Variants in NALF1 observed in about 807,000 individuals in gnomAD.
NALF1 encodes family with sequence similarity 155 member A.
Under a neutral mutation model 48.4 loss-of-function variants are expected in NALF1, and 3 were observed. That is an observed-to-expected ratio of 0.06 (90% CI 0.03 to 0.16). NALF1 has a LOEUF of 0.16. Ranked by LOEUF, NALF1 falls within the 10% of genes least tolerant of loss-of-function variation. NALF1 has a pLI of 1.00. For synonymous variants in NALF1, 262 were observed against 245.7 expected (o/e 1.07, Z -0.62); for missense variants, 526 against 571.5 (o/e 0.92, Z 0.81).
chr13:107,751,164 C>G (rs1876927420), intron 1 of NALF1, among the ~76,000 whole-genome samples: 1 of 152,200 alleles, frequency 6.6e-6, no homozygotes, highest in Non-Finnish European at 1.5e-5. Context: ...TAGGAGGTTT[C>G]AGTTGAGTGA....
intron 1 of NALF1, among the ~76,000 whole-genome samples, chr13:107,626,473 T>G (rs988461719): frequency 2.0e-5 from 3 of 152,140 alleles, no homozygotes; most frequent in Non-Finnish European, 4.4e-5. Flanking sequence ...ACTCCTGTGT[T>G]TTTTGGAGCA....
At chr13:107,865,598 T>C (rs1343402813) in intron 1 of NALF1, 84 bp downstream of exon 1, 2 of 1,503,820 alleles carry the variant, frequency 1.3e-6, no homozygotes, top group East Asian at 2.3e-5. Flanking sequence ...AGCCAAAAAA[T>C]AATAATAATA....
chr13:107,554,780 C>T (rs1877407458), intron 1 of NALF1, among the ~76,000 whole-genome samples: 1 of 152,148 alleles, frequency 6.6e-6, no homozygotes, highest in South Asian at 2.1e-4. Context: ...CTCGACCTCT[C>T]CAGCCACCAC....
chr13:107,742,030 A>G (rs1876652308), intron 1 of NALF1, among the ~76,000 whole-genome samples: 1 of 152,168 alleles, frequency 6.6e-6, no homozygotes, highest in African/African-American at 2.4e-5. Flanking sequence ...TATCCATTAC[A>G]TATGTTTACA....
intron 1 of NALF1, among the ~76,000 whole-genome samples, chr13:107,409,064 T>C (rs1883946843): frequency 6.6e-6 from 1 of 152,210 alleles, no homozygotes; most frequent in Middle Eastern, 3.4e-3. Context: ...CAGTTTTATG[T>C]TGAAAGGAGT....
chr13:107,351,520 A>G (rs1882872167), intron 1 of NALF1, among the ~76,000 whole-genome samples: 1 of 152,160 alleles, frequency 6.6e-6, no homozygotes, highest in Admixed American at 6.5e-5. Flanking sequence ...CCGGAAGAAC[A>G]CTTGCCCAGT....
intron 1 of NALF1, among the ~76,000 whole-genome samples, chr13:107,449,109 T>C (rs1884699351): frequency 6.6e-6 from 1 of 152,178 alleles, no homozygotes; most frequent in African/African-American, 2.4e-5. Flanking sequence ...CTGGGCGTGA[T>C]GGTGGGCACC....
intron 1 of NALF1, among the ~76,000 whole-genome samples, chr13:107,219,483 A>G (rs1307642421): frequency 6.6e-6 from 1 of 152,222 alleles, no homozygotes; most frequent in Non-Finnish European, 1.5e-5. Flanking sequence ...GGGAAATGGA[A>G]TTGAGTCTTA....
chr13:107,236,522 C>T (rs185363332), intron 1 of NALF1, among the ~76,000 whole-genome samples: 1 of 152,222 alleles, frequency 6.6e-6, no homozygotes, highest in Admixed American at 6.5e-5. Flanking sequence ...CATAATAATT[C>T]CAATTTGAAA....
At chr13:107,254,306 G>A (rs908651140) in intron 1 of NALF1, among the ~76,000 whole-genome samples, 11 of 152,052 alleles carry the variant, frequency 7.2e-5, no homozygotes, top group Non-Finnish European at 1.5e-4. Context: ...CTGGTTGTTG[G>A]GTGGAAAGCA....
At chr13:107,471,192 G>A (rs1485661770) in intron 1 of NALF1, among the ~76,000 whole-genome samples, 1 of 152,162 alleles carries the variant, frequency 6.6e-6, no homozygotes, top group Non-Finnish European at 1.5e-5. Context: ...ATTTATTGCC[G>A]TAACCAAATT....
At chr13:107,655,192 A>G (rs189453178) in intron 1 of NALF1, among the ~76,000 whole-genome samples, 384 of 152,276 alleles carry the variant, frequency 2.5e-3, no homozygotes, top group Non-Finnish European at 3.9e-3. Context: ...GCAAATCGGT[A>G]AAGAGGAAGT....
chr13:107,484,167 G>T (rs1226683383), intron 1 of NALF1, among the ~76,000 whole-genome samples: 1 of 152,038 alleles, frequency 6.6e-6, no homozygotes, highest in Non-Finnish European at 1.5e-5. Flanking sequence ...ATTAACAATA[G>T]GATGGTAATT....
intron 1 of NALF1, among the ~76,000 whole-genome samples, chr13:107,298,017 C>T (rs145200333): frequency 6.6e-6 from 1 of 152,076 alleles, no homozygotes; most frequent in African/African-American, 2.4e-5. Flanking sequence ...ATACTGTATT[C>T]AAAACCATTT....
At chr13:107,661,104 G>GTGA in intron 1 of NALF1, among the ~76,000 whole-genome samples, 1 of 152,242 alleles carries the variant, frequency 6.6e-6, no homozygotes, top group Non-Finnish European at 1.5e-5. Context: ...CAAACAAGAC[G>GTGA]TTTTCAGTGC....
intron 1 of NALF1, among the ~76,000 whole-genome samples, chr13:107,588,268 C>A (rs2138415572): frequency 6.6e-6 from 1 of 152,116 alleles, no homozygotes; most frequent in East Asian, 1.9e-4. Flanking sequence ...AGTTAGTGAC[C>A]CAAACTGCTT....
intron 1 of NALF1, among the ~76,000 whole-genome samples, chr13:107,221,829 A>G (rs1329627998): frequency 6.6e-6 from 1 of 152,172 alleles, no homozygotes; most frequent in African/African-American, 2.4e-5. Flanking sequence ...ATTCTATACC[A>G]GTTATGCAGA....
chr13:107,841,280 GC>G (rs1424074069), intron 1 of NALF1, among the ~76,000 whole-genome samples: 4 of 152,114 alleles, frequency 2.6e-5, no homozygotes, highest in Non-Finnish European at 5.9e-5. Context: ...ATCTGTCACT[GC>G]CCAAACTACT....
At position 107,170,377 on chromosome 13, in the gene NALF1, C is replaced by T; in HGVS notation, c.*120G>A. 7.4e-6 allele frequency: 7 copies of T among 942,298 alleles called. No homozygotes were observed. The highest frequency in any genetic ancestry group is 1.1e-5 in the Non-Finnish European group (7 of 638,012). The allele number at this position is 942,298 out of a possible 1,614,324, so 58.4% of individuals were successfully genotyped here. On this transcript the variant is annotated 3_prime_UTR_variant, in exon 3 of 3. Coordinates refer to ENST00000375915, the MANE Select transcript of NALF1 (RefSeq NM_001080396.3). The stretch of plus-strand genomic sequence containing the variant: ...TTCAGGCCCATCTGTTTAAATTTTA[C>T]CCTAAAGGCCTTGCAATAAGTAATT...
Sources: allele counts gnomAD v4.1 joint callset (sites outside exome capture counted in the v4.1 genomes callset), GRCh38; gene constraint gnomAD v4.1.1; transcripts MANE v1.5; gene names NCBI Gene and HGNC (gene_info 2026-07-23, HGNC 2026-07-21).